The following ADCY7 variants were observed in gnomAD, a reference collection of about 807,000 sequenced individuals.
ADCY7 encodes the protein adenylate cyclase type 7.
A neutral mutation model predicts 120.6 loss-of-function variants in ADCY7; 72 were observed. The ratio of observed to expected loss-of-function variants is 0.60; its 90% confidence interval spans 0.49 to 0.73. ADCY7 has a LOEUF of 0.73. Among genes scored for constraint, ADCY7 ranks in the 30% least tolerant of loss-of-function variants. The pLI, the probability that ADCY7 is intolerant of heterozygous loss-of-function variation, is 0.00. For synonymous variants in ADCY7, 661 were observed against 628.0 expected, an observed-to-expected ratio of 1.05 and a Z score of -0.78; for missense variants, 1,227 against 1,486.0, an observed-to-expected ratio of 0.83 and a Z score of 2.87.
At chr16:50,306,451 C>T (rs1187745535) in intron 14 of ADCY7, among the ~76,000 whole-genome samples, 1 of 152,104 alleles carries the variant, frequency 6.6e-6, no homozygotes, top group Non-Finnish European at 1.5e-5. Flanking sequence ...CACGAGGAAA[C>T]CTGCTGGCCA....
At chr16:50,250,433 G>T (rs2032720946) in intron 1 of ADCY7, among the ~76,000 whole-genome samples, 1 of 149,726 alleles carries the variant, frequency 6.7e-6, no homozygotes, top group Admixed American at 6.6e-5. Context: ...CTCCAGCCTG[G>T]GGGACAAAGC....
At chr16:50,308,602 G>A (rs2036237772) in intron 16 of ADCY7, 65 bp from the exon 17 acceptor site, 5 of 1,566,774 alleles carry the variant, frequency 3.2e-6, no homozygotes, top group African/African-American at 2.7e-5. Context: ...TCCCCAGGCT[G>A]CCAGCGACCA....
At chr16:50,293,586 C>T in intron 6 of ADCY7, 84 bp downstream of exon 6, 2 of 1,504,732 alleles carry the variant, frequency 1.3e-6, no homozygotes, top group South Asian at 2.5e-5. Context: ...CCCGCCCTAT[C>T]TGGAGGCTCA....
In ADCY7 at chr16:50,267,408, G is replaced by A. The variant is rs2033283953; in HGVS notation, c.-269+728G>A. On this transcript the variant is annotated intron_variant, in intron 1 of 25. Transcript: ENST00000673801. ...GGGGCTTCCTCCCTGGACAGCCATT[G>A]CTGGAGAGGAGAAGGGAGGGCCGGG... is the stretch of plus-strand genomic sequence containing the variant. 1.3e-5 allele frequency among the ~76,000 whole-genome samples: 2 copies of A among 152,236 alleles called. 1 individual carries two copies. The highest frequency in any genetic ancestry group is 4.1e-4 in the South Asian group (2 of 4,832).
intron 1 of ADCY7, among the ~76,000 whole-genome samples, chr16:50,253,772 C>G (rs577195287): frequency 6.6e-6 from 1 of 152,172 alleles, no homozygotes; most frequent in Non-Finnish European, 1.5e-5. Context: ...AGCCTTTAAG[C>G]TCCTGTGGTG....
At position 50,312,116 on chromosome 16, in the gene ADCY7, C is replaced by A. The variant is rs149245804; in HGVS notation, c.2529C>A (p.Asn843Lys). ...KEHEEFETME[N>K]VNRLLLENVL... ...ACGAGGAGTTTGAGACCATGGAGAA[C>A]GTGAACCGCCTTCTTCTGGAGAACG... The change falls in exon 21 of 26, where the codon AAC (asparagine) becomes AAA (lysine). Residue 843 changes from asparagine to lysine, a missense_variant. Asn to Lys is a moderately conservative substitution (Grantham distance 94). This residue lies in a region of ADCY7 where 244 missense variants were observed against 332.8 expected (regional missense o/e 0.73). Transcript: ENST00000673801. 6.2e-7 allele frequency: 1 copy of A among 1,614,102 alleles called. No homozygotes were observed. Among genetic ancestry groups the A allele is most frequent in the African/African-American group, 1.3e-5 (1 of 74,940 alleles).
intron 18 of ADCY7, among the ~76,000 whole-genome samples, chr16:50,310,284 T>C (rs918991605): frequency 6.6e-5 from 10 of 151,878 alleles, no homozygotes; most frequent in African/African-American, 2.4e-4. Flanking sequence ...GGTGCAGGAA[T>C]GCCGGGGTGT....
At chr16:50,247,115 G>A (rs2032614411) in intron 1 of ADCY7, among the ~76,000 whole-genome samples, 1 of 152,246 alleles carries the variant, frequency 6.6e-6, no homozygotes, top group Admixed American at 6.5e-5. Context: ...TCCGGGTGAG[G>A]CTACAGCTGT....
chr16:50,296,198 G>A (rs2035337892), intron 7 of ADCY7, among the ~76,000 whole-genome samples: 1 of 152,080 alleles, frequency 6.6e-6, no homozygotes, highest in Non-Finnish European at 1.5e-5. Context: ...GACTACAGGT[G>A]TGCACCACAA....
intron 20 of ADCY7, 67 bp downstream of exon 20, chr16:50,311,853 G>C (rs2036500797): frequency 7.5e-7 from 1 of 1,335,848 alleles, no homozygotes; most frequent in African/African-American, 1.5e-5. Context: ...ATCTGGAGAT[G>C]GGGTGGGGTG....
intron 7 of ADCY7, among the ~76,000 whole-genome samples, chr16:50,298,155 G>A (rs2035479447): frequency 6.6e-6 from 1 of 151,562 alleles, no homozygotes. Context: ...CCACCCCTAA[G>A]CCCTGTCAGC....
chr16:50,284,305 T>C (rs1322440787), intron 1 of ADCY7, among the ~76,000 whole-genome samples: 5 of 152,204 alleles, frequency 3.3e-5, no homozygotes, highest in Non-Finnish European at 7.3e-5. Context: ...TGTTGTCCAC[T>C]GTCCACCTGC....
At position 50,291,909 on chromosome 16, in the gene ADCY7, G is replaced by T; in HGVS notation, c.537+12G>T. The T allele has an allele frequency of 6.3e-7, 1 of 1,598,334 alleles. No individual in the cohort carries two copies. ...GGGTGGGGCTGCAGGTGAGGGATGG[G>T]CTAAGGCCTCTGGGGGAGGTTTTGT... On this transcript the variant is annotated intron_variant, in intron 4 of 25. Transcript: ENST00000673801.
At chr16:50,292,026 G>C (rs2035014859) in intron 4 of ADCY7, 129 bp downstream of exon 4, 1 of 1,076,128 alleles carries the variant, frequency 9.3e-7, no homozygotes, top group East Asian at 2.6e-5. Flanking sequence ...CCGCTCCAAG[G>C]CCGGGCCCTC....
chr16:50,253,742 C>G (rs558816128), intron 1 of ADCY7, among the ~76,000 whole-genome samples: 26 of 151,840 alleles, frequency 1.7e-4, no homozygotes, highest in African/African-American at 2.2e-4. Context: ...TCTAATGACG[C>G]CGCCCAGGCT....
rs765710324 is a variant in ADCY7, at chr16:50,288,365, C to T, written c.171+15C>T. The T allele has an allele frequency of 1.4e-5, 21 of 1,528,288 alleles. 1 individual carries two copies. The highest frequency in any genetic ancestry group is 1.7e-4 in the Middle Eastern group (1 of 5,952). The allele number at this position is 1,528,288 out of a possible 1,614,324, so 94.7% of individuals were successfully genotyped here. On this transcript the variant is annotated intron_variant, in intron 2 of 25. Coordinates refer to ENST00000673801, the MANE Select transcript of ADCY7 (RefSeq NM_001114.5). ...TCAGCCAGGGGGTGAGTGAGGGCAGCCCCTGGGCTTCACGTCTCGGCCCCA... is the reference window on the plus strand; with the variant it reads ...TCAGCCAGGGGGTGAGTGAGGGCAGTCCCTGGGCTTCACGTCTCGGCCCCA...
intron 1 of ADCY7, among the ~76,000 whole-genome samples, chr16:50,258,025 G>A (rs543558990): frequency 1.6e-4 from 25 of 152,128 alleles, no homozygotes; most frequent in Non-Finnish European, 3.2e-4. Context: ...GATTAGGGAC[G>A]TGAGCCACCG....
At chr16:50,261,946 C>A (rs1180176207), upstream of ADCY7, among the ~76,000 whole-genome samples, 11 of 152,184 alleles carry the variant, frequency 7.2e-5, no homozygotes, top group South Asian at 2.1e-3. Flanking sequence ...TTCTCATATC[C>A]CCTGGCCCCT....
chr16:50,272,057 C>T (rs2033610809), intron 1 of ADCY7, among the ~76,000 whole-genome samples: 1 of 152,182 alleles, frequency 6.6e-6, no homozygotes. Context: ...GCAGGTACCC[C>T]CGTTTCCAGT....
Sources: gnomAD v4.1 joint callset for allele counts (sites outside exome capture counted in the v4.1 genomes callset) on GRCh38, gnomAD v4.1.1 for gene constraint, gnomAD v4.1.1 regional missense constraint, MANE v1.5 for transcripts, NCBI Gene and HGNC (gene_info 2026-07-23, HGNC 2026-07-21) for gene names.